QTMAN: variants seen among roughly 807,000 people sequenced by gnomAD.
QTMAN encodes tRNA-queuosine alpha-mannosyltransferase.
the QTMAN span, chr2:144,011,685 A>G: frequency 6.1e-6 from 6 of 984,374 alleles, no homozygotes; most frequent in Middle Eastern, 5.2e-4. Context: ...ATGGGGTGAA[A>G]CTGGCTTTTC....
the QTMAN span, among the ~76,000 whole-genome samples, chr2:144,083,036 G>A: frequency 4.6e-5 from 7 of 152,128 alleles, no homozygotes; most frequent in African/African-American, 7.2e-5. Context: ...TCTAGAGGCC[G>A]GCAGTTGCCT....
At chr2:144,179,128 A>T in the QTMAN span, among the ~76,000 whole-genome samples, 1 of 152,154 alleles carries the variant, frequency 6.6e-6, no homozygotes, top group Admixed American at 6.6e-5. Context: ...CCTGAGATAA[A>T]ATAAAAACCT....
At chr2:144,028,022 G>T in the QTMAN span, among the ~76,000 whole-genome samples, 1 of 152,138 alleles carries the variant, frequency 6.6e-6, no homozygotes, top group Non-Finnish European at 1.5e-5. Context: ...TTTAAAAACA[G>T]AATTCTGTTT....
chr2:144,159,679 G>A, the QTMAN span, among the ~76,000 whole-genome samples: 40 of 152,196 alleles, frequency 2.6e-4, no homozygotes, highest in African/African-American at 9.4e-4. Context: ...CATGGAGGTG[G>A]CATTTTCAAT....
the QTMAN span, among the ~76,000 whole-genome samples, chr2:143,997,956 G>T: frequency 6.6e-6 from 1 of 152,006 alleles, no homozygotes; most frequent in Non-Finnish European, 1.5e-5. Flanking sequence ...TGAAATAGGG[G>T]AGTTTGCCGA....
chr2:144,172,747 A>G, the QTMAN span, among the ~76,000 whole-genome samples: 1 of 152,124 alleles, frequency 6.6e-6, no homozygotes, highest in Non-Finnish European at 1.5e-5. Flanking sequence ...ACTAAGATAA[A>G]TATTTTCACT....
At chr2:144,224,244 T>C in the QTMAN span, among the ~76,000 whole-genome samples, 4 of 152,232 alleles carry the variant, frequency 2.6e-5, no homozygotes, top group African/African-American at 9.6e-5. Flanking sequence ...ATTAATGATT[T>C]GATATCATAA....
chr2:144,135,706 G>A, the QTMAN span, among the ~76,000 whole-genome samples: 1 of 152,132 alleles, frequency 6.6e-6, no homozygotes, highest in East Asian at 1.9e-4. Context: ...ACTGGTCAAA[G>A]TCAAGTACTA....
chr2:143,967,835 C>T, the QTMAN span, among the ~76,000 whole-genome samples: 37 of 152,266 alleles, frequency 2.4e-4, no homozygotes, highest in African/African-American at 8.9e-4. Context: ...AAAGCACTAC[C>T]TAGCTGAGTG....
chr2:143,957,361 T>C, the QTMAN span: 1 of 1,503,044 alleles, frequency 6.7e-7, no homozygotes, highest in Non-Finnish European at 9.1e-7. Flanking sequence ...AAGAAAAAGA[T>C]ATTCATCTAT....
chr2:144,091,117 G>A, the QTMAN span, among the ~76,000 whole-genome samples: 4 of 151,816 alleles, frequency 2.6e-5, no homozygotes, highest in South Asian at 2.1e-4. Flanking sequence ...AGAAAATATA[G>A]TTTTGTTCCA....
chr2:144,308,657 G>T, the QTMAN span, among the ~76,000 whole-genome samples: 1 of 151,182 alleles, frequency 6.6e-6, no homozygotes, highest in Non-Finnish European at 1.5e-5. Context: ...TTACAACCTG[G>T]TATTAATCAA....
the QTMAN span, among the ~76,000 whole-genome samples, chr2:144,272,279 GAA>G: frequency 1.3e-5 from 2 of 151,932 alleles, no homozygotes; most frequent in Non-Finnish European, 2.9e-5. Context: ...TAAAATTGTT[GAA>G]AATGTGGGTT....
At chr2:144,117,116 GC>G in the QTMAN span, among the ~76,000 whole-genome samples, 2 of 152,104 alleles carry the variant, frequency 1.3e-5, no homozygotes, top group African/African-American at 4.8e-5. Context: ...AGTAATAAAT[GC>G]CCATTCCTTC....
chr2:143,977,068 G>C, the QTMAN span, among the ~76,000 whole-genome samples: 1 of 152,168 alleles, frequency 6.6e-6, no homozygotes. Flanking sequence ...CTGGCACCCT[G>C]AATACAATAC....
the QTMAN span, among the ~76,000 whole-genome samples, chr2:143,970,961 T>C: frequency 6.6e-6 from 1 of 152,180 alleles, no homozygotes; most frequent in Non-Finnish European, 1.5e-5. Context: ...TTGTCTCTTA[T>C]GATCAGAACC....
chr2:144,202,293 A>C, the QTMAN span, among the ~76,000 whole-genome samples: 931 of 152,362 alleles, frequency 6.1e-3, 14 homozygotes, highest in African/African-American at 0.021. Flanking sequence ...ACAGGAAATC[A>C]GAGACAGTAG....
chr2:143,964,970 A>G, the QTMAN span, among the ~76,000 whole-genome samples: 1 of 152,130 alleles, frequency 6.6e-6, no homozygotes, highest in Non-Finnish European at 1.5e-5. Context: ...ACAGAAAATA[A>G]TATTTTGTTT....
the QTMAN span, among the ~76,000 whole-genome samples, chr2:144,012,257 A>G: frequency 6.6e-6 from 1 of 152,120 alleles, no homozygotes; most frequent in Admixed American, 6.5e-5. Flanking sequence ...TGGAACAAGC[A>G]CTTTCTAGAT....
Sources: gnomAD v4.1 joint callset for allele counts (sites outside exome capture counted in the v4.1 genomes callset) on GRCh38, gnomAD v4.1.1 for gene constraint, MANE v1.5 for transcripts, NCBI Gene and HGNC (gene_info 2026-07-23, HGNC 2026-07-21) for gene names.